The following ANKRD45 variants were observed in gnomAD, a reference collection of about 807,000 sequenced individuals.
ANKRD45 encodes ankyrin repeat domain-containing protein 45.
A neutral mutation model predicts 28.1 loss-of-function variants in ANKRD45; 21 were observed. The observed-to-expected ratio is 0.75, with a 90% CI of 0.53 to 1.08. ANKRD45 has a LOEUF of 1.08. Ranked by LOEUF, ANKRD45 falls within the 50% of genes least tolerant of loss-of-function variation. ANKRD45 has a pLI of 0.00. For missense variants in ANKRD45, 261 were observed against 308.7 expected (o/e 0.85, Z 1.16); for synonymous variants, 86 against 103.9 (o/e 0.83, Z 1.05).
chr1:173,673,769 A>G (rs1670333460), upstream of ANKRD45, among the ~76,000 whole-genome samples: 1 of 152,178 alleles, frequency 6.6e-6, no homozygotes, highest in Non-Finnish European at 1.5e-5. Flanking sequence ...GCTATATGCT[A>G]ATTAAATATT....
intron 1 of ANKRD45, among the ~76,000 whole-genome samples, chr1:173,668,395 A>C (rs1000824944): frequency 4.1e-4 from 63 of 152,182 alleles, no homozygotes; most frequent in African/African-American, 1.3e-3. Context: ...GTCCTGACAA[A>C]ACCAGGAGAT....
At chr1:173,662,663 G>T (rs1040916940) in intron 1 of ANKRD45, among the ~76,000 whole-genome samples, 4 of 152,076 alleles carry the variant, frequency 2.6e-5, no homozygotes, top group Non-Finnish European at 4.4e-5. Flanking sequence ...GGAAGAATGG[G>T]GAAATCACCT....
chr1:173,689,415 G>T, the ANKRD45 span, among the ~76,000 whole-genome samples: 1 of 152,112 alleles, frequency 6.6e-6, no homozygotes, highest in South Asian at 2.1e-4. Context: ...CATAAGTTTT[G>T]TCTTTTTTTT....
chr1:173,713,316 C>T, the ANKRD45 span, among the ~76,000 whole-genome samples: 4 of 152,264 alleles, frequency 2.6e-5, no homozygotes, highest in South Asian at 8.3e-4. Flanking sequence ...TCTAGCCAAA[C>T]CCCATCTTGC....
In ANKRD45 at chr1:173,666,221, C is replaced by T. The variant is rs187865208; in HGVS notation, c.-16+3596G>A. ...GACTAGAACTTATACTATCAGCTTT[C>T]CTGTTTCTCAGGCCCTCAGACCTGG... On this transcript the variant is annotated intron_variant, in intron 1 of 5. Transcript: ENST00000333279. 3.1e-3 allele frequency among the ~76,000 whole-genome samples: 472 copies of T among 152,314 alleles called. 3 individuals carry two copies. The highest frequency in any genetic ancestry group is 5.0e-3 in the Non-Finnish European group (341 of 68,036).
intron 3 of ANKRD45, among the ~76,000 whole-genome samples, chr1:173,646,427 T>C (rs1668926222): frequency 6.6e-6 from 1 of 152,240 alleles, no homozygotes; most frequent in Non-Finnish European, 1.5e-5. Context: ...TAAACCTTTC[T>C]AAAATTATTG....
the ANKRD45 span, among the ~76,000 whole-genome samples, chr1:173,676,867 T>C: frequency 2.0e-5 from 3 of 149,248 alleles, no homozygotes; most frequent in Admixed American, 6.7e-5. Flanking sequence ...TTATAGGAGT[T>C]TCCCATAATT....
intron 1 of ANKRD45, 91 bp from the exon 2 acceptor site, chr1:173,659,524 T>C (rs1344584389): frequency 6.1e-6 from 7 of 1,142,980 alleles, no homozygotes; most frequent in Admixed American, 2.8e-5. Context: ...ACAATATAGA[T>C]GGTATAAAAA....
chr1:173,676,834 C>CAAAAAAAAAA, the ANKRD45 span, among the ~76,000 whole-genome samples: 1 of 98,806 alleles, frequency 1.0e-5, no homozygotes. Flanking sequence ...GACTCCATCT[C>CAAAAAAAAAA]AAAAAAAAAA....
At chr1:173,672,974 A>C (rs1000668790), upstream of ANKRD45, among the ~76,000 whole-genome samples, 2 of 152,004 alleles carry the variant, frequency 1.3e-5, no homozygotes, top group Admixed American at 1.3e-4. Flanking sequence ...CACTATTCAA[A>C]CCCCCCAGAA....
intron 5 of ANKRD45, among the ~76,000 whole-genome samples, chr1:173,619,723 G>A (rs887144419): frequency 1.3e-5 from 2 of 151,954 alleles, no homozygotes; most frequent in Admixed American, 6.6e-5. Flanking sequence ...AGCCACTCGG[G>A]AGGGGGAGGC....
intron 2 of ANKRD45, chr1:173,658,247 C>T: frequency 5.1e-6 from 1 of 197,280 alleles, no homozygotes; most frequent in South Asian, 7.1e-5. Context: ...TCACTTGAAC[C>T]TGGGAGGCGG....
intron 3 of ANKRD45, among the ~76,000 whole-genome samples, chr1:173,645,064 A>G (rs1668866082): frequency 6.6e-6 from 1 of 152,128 alleles, no homozygotes; most frequent in South Asian, 2.1e-4. Context: ...AATCAATTGA[A>G]TTATTTGCTA....
the ANKRD45 span, among the ~76,000 whole-genome samples, chr1:173,688,477 CCTCT>C: frequency 7.4e-5 from 9 of 121,702 alleles, no homozygotes; most frequent in South Asian, 2.8e-4. Context: ...TCTACCTCTT[CCTCT>C]CTCTCTCTGC....
upstream of ANKRD45, among the ~76,000 whole-genome samples, chr1:173,673,151 C>T (rs1670311834): frequency 6.7e-6 from 1 of 150,020 alleles, no homozygotes; most frequent in African/African-American, 2.5e-5. Flanking sequence ...TCTTCTGTCA[C>T]CCAGGCTGGA....
chr1:173,608,897 GAGGAA>G lies in ANKRD45; in HGVS notation c.*1243_*1247del, dbSNP rs1667032060. ...GGGGAGAGGAAGGGAGGGGAGGGGA[GAGGAA>G]GGGAGAGGAAGGGAGGGGAAGGGAG... On this transcript the variant is annotated 3_prime_UTR_variant, in exon 6 of 6. Coordinates refer to ENST00000333279, the MANE Select transcript of ANKRD45 (RefSeq NM_198493.3). 1.2e-5 allele frequency among the ~76,000 whole-genome samples: 1 copy of G among 80,288 alleles called. No individual in the cohort carries two copies. Among genetic ancestry groups the G allele is most frequent in the Non-Finnish European group, 2.4e-5 (1 of 42,032 alleles). The allele number at this position is 80,288 out of a possible 152,430, so 52.7% of individuals were successfully genotyped here.
At chr1:173,698,542 A>G in the ANKRD45 span, among the ~76,000 whole-genome samples, 1 of 152,228 alleles carries the variant, frequency 6.6e-6, no homozygotes, top group African/African-American at 2.4e-5. Context: ...ACTACATGGA[A>G]ACTGAACAAT....
upstream of ANKRD45, among the ~76,000 whole-genome samples, chr1:173,674,619 C>T (rs72709378): frequency 1.3e-5 from 2 of 151,886 alleles, no homozygotes; most frequent in African/African-American, 4.8e-5. Context: ...TGGGACAACT[C>T]GAAGCAGGGG....
chr1:173,619,853 A>G (rs2102318616), intron 5 of ANKRD45, among the ~76,000 whole-genome samples: 1 of 152,174 alleles, frequency 6.6e-6, no homozygotes, highest in Non-Finnish European at 1.5e-5. Flanking sequence ...ACAAAGAAGC[A>G]AAGAAGGGCA....
Sources: allele counts gnomAD v4.1 joint callset (sites outside exome capture counted in the v4.1 genomes callset), GRCh38; gene constraint gnomAD v4.1.1; transcripts MANE v1.5; gene names NCBI Gene and HGNC (gene_info 2026-07-23, HGNC 2026-07-21).